The following SH3GL2 variants were observed in gnomAD, a reference collection of about 807,000 sequenced individuals.
SH3GL2 encodes the protein SH3 domain containing GRB2 like 2, endophilin A1.
SH3GL2 carries 24 observed loss-of-function variants against 46.0 expected under a neutral mutation model. The observed-to-expected ratio is 0.52, with a 90% CI of 0.38 to 0.73. SH3GL2 has a LOEUF of 0.73. SH3GL2 is among the 30% of genes least tolerant of loss of function. The pLI is 0.00. For missense variants in SH3GL2, 413 were observed against 424.2 expected (o/e 0.97, Z 0.23); for synonymous variants, 196 against 147.1 (o/e 1.33, Z -2.40).
chr9:17,737,561 T>C (rs752719860), intron 1 of SH3GL2, among the ~76,000 whole-genome samples: 1 of 152,042 alleles, frequency 6.6e-6, no homozygotes, highest in Non-Finnish European at 1.5e-5. Flanking sequence ...CTGAAATGAT[T>C]GTTTCAGCCG....
chr9:17,740,793 A>G, intron 1 of SH3GL2, among the ~76,000 whole-genome samples: 1 of 151,614 alleles, frequency 6.6e-6, no homozygotes, highest in Non-Finnish European at 1.5e-5. Context: ...TTAAATTATG[A>G]TTTTTGACAG....
intron 1 of SH3GL2, among the ~76,000 whole-genome samples, chr9:17,700,582 C>G (rs1345866532): frequency 6.6e-6 from 1 of 152,108 alleles, no homozygotes; most frequent in Non-Finnish European, 1.5e-5. Flanking sequence ...TGTTCTTTAG[C>G]CAGATTCATT....
chr9:17,769,931 C>G (rs1823423219), intron 3 of SH3GL2, among the ~76,000 whole-genome samples: 1 of 152,152 alleles, frequency 6.6e-6, no homozygotes, highest in Non-Finnish European at 1.5e-5. Context: ...AGGACTATGT[C>G]TCTTTTACTC....
chr9:17,627,767 A>C (rs1004334868), intron 1 of SH3GL2, among the ~76,000 whole-genome samples: 1 of 152,310 alleles, frequency 6.6e-6, no homozygotes, highest in East Asian at 1.9e-4. Context: ...CCTGAGATAG[A>C]GGTTCCAGAT....
At chr9:17,758,147 G>A (rs1823054464) in intron 2 of SH3GL2, among the ~76,000 whole-genome samples, 1 of 152,140 alleles carries the variant, frequency 6.6e-6, no homozygotes, top group Non-Finnish European at 1.5e-5. Flanking sequence ...CACACTTAAA[G>A]AGCTCCTTTC....
intron 1 of SH3GL2, among the ~76,000 whole-genome samples, chr9:17,604,773 C>A (rs772755302): frequency 6.6e-6 from 1 of 152,068 alleles, no homozygotes; most frequent in Admixed American, 6.6e-5. Flanking sequence ...TCTTCAAGGG[C>A]GGTGCTGAGA....
chr9:17,591,469 A>G (rs184583374), intron 1 of SH3GL2, among the ~76,000 whole-genome samples: 120 of 152,232 alleles, frequency 7.9e-4, no homozygotes, highest in African/African-American at 2.7e-3. Context: ...GGCTATTTAA[A>G]AGAACTTATT....
intron 1 of SH3GL2, among the ~76,000 whole-genome samples, chr9:17,679,260 A>G (rs1210241753): frequency 2.0e-5 from 3 of 152,190 alleles, no homozygotes; most frequent in Non-Finnish European, 4.4e-5. Flanking sequence ...CTTCCTATCC[A>G]TGAGCATGGA....
intron 1 of SH3GL2, among the ~76,000 whole-genome samples, chr9:17,664,730 A>C (rs1323806603): frequency 6.6e-6 from 1 of 151,636 alleles, no homozygotes; most frequent in East Asian, 1.9e-4. Flanking sequence ...TAGAAAATTC[A>C]AAAGTACATT....
chr9:17,747,916 C>G (rs908720171), intron 2 of SH3GL2, among the ~76,000 whole-genome samples: 4 of 152,092 alleles, frequency 2.6e-5, no homozygotes, highest in Non-Finnish European at 5.9e-5. Flanking sequence ...TCAGGTGGTC[C>G]GCCTGCCTCA....
chr9:17,731,454 A>G (rs1822180247), intron 1 of SH3GL2, among the ~76,000 whole-genome samples: 2 of 150,802 alleles, frequency 1.3e-5, no homozygotes, highest in South Asian at 4.3e-4. Flanking sequence ...AGAGAGAGAC[A>G]GACAGAGAGA....
At chr9:17,682,587 A>T (rs556901480) in intron 1 of SH3GL2, among the ~76,000 whole-genome samples, 42 of 151,956 alleles carry the variant, frequency 2.8e-4, no homozygotes, top group African/African-American at 9.9e-4. Context: ...AACTTAGAGG[A>T]TGGGTCAATA....
chr9:17,749,211 C>A (rs778359921), intron 2 of SH3GL2, among the ~76,000 whole-genome samples: 1 of 152,204 alleles, frequency 6.6e-6, no homozygotes, highest in African/African-American at 2.4e-5. Flanking sequence ...TGATCCTCAA[C>A]CAAAGCTGGT....
intron 2 of SH3GL2, chr9:17,755,756 T>C (rs1822969868): frequency 1.0e-6 from 1 of 984,330 alleles, no homozygotes; most frequent in Non-Finnish European, 1.2e-6. Flanking sequence ...CTTTTGTTGC[T>C]CCACAAACAA....
At position 17,703,953 on chromosome 9, in the gene SH3GL2, A is replaced by G. The variant is rs149536865; in HGVS notation, c.46-43113A>G. 1.7e-3 allele frequency among the ~76,000 whole-genome samples: 260 copies of G among 152,252 alleles called. 1 individual carries two copies. The highest frequency in any genetic ancestry group is 3.4e-3 in the Middle Eastern group (1 of 294). On this transcript the variant is annotated intron_variant, in intron 1 of 8. Transcript: ENST00000380607. ...ATTGGAAGTCCTAGCCAGAGCAGTC[A>G]GCAAGAGGTATAAAAAGCATTCAGA... is the stretch of plus-strand genomic sequence containing the variant.
intron 1 of SH3GL2, among the ~76,000 whole-genome samples, chr9:17,591,854 A>G (rs1178261639): frequency 6.6e-6 from 1 of 152,212 alleles, no homozygotes; most frequent in Non-Finnish European, 1.5e-5. Flanking sequence ...CGCTTTCCAC[A>G]TGATTATGGT....
At chr9:17,631,237 T>C (rs1174120137) in intron 1 of SH3GL2, among the ~76,000 whole-genome samples, 1 of 152,218 alleles carries the variant, frequency 6.6e-6, no homozygotes, top group African/African-American at 2.4e-5. Context: ...GGAAACATTG[T>C]TCTATGTTTT....
intron 2 of SH3GL2, among the ~76,000 whole-genome samples, chr9:17,761,045 G>A (rs1413515823): frequency 6.6e-6 from 1 of 152,190 alleles, no homozygotes; most frequent in African/African-American, 2.4e-5. Flanking sequence ...TCTTGAATAA[G>A]CAGAGTTGAT....
At chr9:17,679,207 A>G (rs914215907) in intron 1 of SH3GL2, among the ~76,000 whole-genome samples, 10 of 152,174 alleles carry the variant, frequency 6.6e-5, no homozygotes, top group African/African-American at 1.7e-4. Flanking sequence ...CATTGAATCC[A>G]TAAATTACCT....
Sources: gnomAD v4.1 joint callset for allele counts (sites outside exome capture counted in the v4.1 genomes callset) on GRCh38, gnomAD v4.1.1 for gene constraint, MANE v1.5 for transcripts, NCBI Gene and HGNC (gene_info 2026-07-23, HGNC 2026-07-21) for gene names.